LAMA5: variants seen among roughly 807,000 people sequenced by gnomAD.
LAMA5 encodes the protein laminin subunit alpha 5.
LAMA5 carries 260 observed loss-of-function variants against 433.4 expected under a neutral mutation model. The ratio of observed to expected loss-of-function variants is 0.60; its 90% CI spans 0.54 to 0.66. The LOEUF (loss-of-function observed/expected upper bound fraction) is 0.66, where lower values mean the gene tolerates loss of function less well. LAMA5 is among the 30% of genes least tolerant of loss of function. The pLI is 0.00. For missense variants in LAMA5, 5,378 were observed against 5,258.5 expected (o/e 1.02, Z -0.70); for synonymous variants, 2,620 against 2,226.6 (o/e 1.18, Z -4.97).
At chr20:62,325,605 C>T in intron 40 of LAMA5, 59 bp from the exon 41 acceptor site, 1 of 1,177,186 alleles carries the variant, frequency 8.5e-7, no homozygotes, top group Non-Finnish European at 1.2e-6. Flanking sequence ...AACAGGGAGC[C>T]TAGAACAGAC....
At position 62,313,145 on chromosome 20, in the gene LAMA5, G is replaced by C; in HGVS notation, c.8898C>G (p.Phe2966Leu). The change falls in exon 65 of 80, where the codon TTC becomes TTG. Residue 2966 changes from phenylalanine to leucine, a missense_variant. Coordinates refer to ENST00000252999, the MANE Select transcript of LAMA5 (RefSeq NM_005560.6). ...FDSQISTTKR[F>L]EQELRLVSYS... Reference sequence around the variant, plus strand: ...AGGACACGAGCCGCAGCTCCTGCTCGAAGCGCTTGGTGGTGCTGATCTGAC... The same window carrying C: ...AGGACACGAGCCGCAGCTCCTGCTCCAAGCGCTTGGTGGTGCTGATCTGAC... The C allele has an allele frequency of 6.2e-7, 1 of 1,605,826 alleles. No individual in the cohort carries two copies. Among genetic ancestry groups the C allele is most frequent in the South Asian group, 1.1e-5 (1 of 90,742 alleles).
At position 62,312,896 on chromosome 20, in the gene LAMA5, T is replaced by C. The variant is rs1986472900; in HGVS notation, c.9070A>G (p.Ser3024Gly). ...CCCCACCCTGGCCCTACCGCCTTGC[T>C]GGCCGAGGTCAGGGGCGGTGGGGGC... is the stretch of plus-strand genomic sequence containing the variant. ...LQPPPPLTSA[S>G]KAIQVFLLGG... Residue 3024 changes from serine (S) to glycine (G), a missense_variant, in exon 66 of 80, where the codon AGC (serine) becomes GGC (glycine). By Grantham distance (56) the Ser-to-Gly change is moderately conservative (BLOSUM62 0). Coordinates refer to ENST00000252999, the MANE Select transcript of LAMA5 (RefSeq NM_005560.6). 6.3e-7 allele frequency: 1 copy of C among 1,586,908 alleles called. No individual in the cohort carries two copies. The highest frequency in any genetic ancestry group is 8.6e-7 in the Non-Finnish European group (1 of 1,164,796).
Position 62,335,061 on chromosome 20 carries a change from G to A in LAMA5, c.2442C>T (p.Gly814=). The change falls in exon 20 of 80, where the codon GGC becomes GGT. Residue 814 remains glycine (G), a synonymous_variant. Coordinates refer to ENST00000252999, the MANE Select transcript of LAMA5 (RefSeq NM_005560.6). Reference sequence around the variant, plus strand: ...AGTCAGCCTGATCCAGTCCAAAGAAGCCATCCTTGCAGGACGCGCAGGCCT... The same window carrying A: ...AGTCAGCCTGATCCAGTCCAAAGAAACCATCCTTGCAGGACGCGCAGGCCT... The part of the protein sequence containing the change: ...CGQACASCKD[G]FFGLDQADYF... The A allele has an allele frequency of 6.2e-7, 1 of 1,613,034 alleles. No individual in the cohort carries two copies. Among genetic ancestry groups the A allele is most frequent in the Non-Finnish European group, 8.5e-7 (1 of 1,179,708 alleles).
In LAMA5 at chr20:62,325,486, G is replaced by A. The variant is rs959042081; in HGVS notation, c.5359C>T (p.Leu1787=). The change falls in exon 41 of 80, where the codon CTG becomes TTG. Residue 1787 remains leucine, a synonymous_variant. Transcript: ENST00000252999. The part of the protein sequence containing the change: ...TVSREELMMV[L]ASLEQLQIRA... ...ATCTGCAGCTGCTCCAGGCTGGCCAGCACCATCATGAGCTCCTCGCGGGAC... is the reference window on the plus strand; with the variant it reads ...ATCTGCAGCTGCTCCAGGCTGGCCAACACCATCATGAGCTCCTCGCGGGAC... The A allele has an allele frequency of 5.0e-6, 8 of 1,612,832 alleles. No homozygotes were observed. In the African/African-American group the frequency reaches 8.0e-5, roughly 16 times the overall value.
At chr20:62,340,320 T>G (rs1453722628) in intron 11 of LAMA5, among the ~76,000 whole-genome samples, 2 of 146,046 alleles carry the variant, frequency 1.4e-5, no homozygotes, top group East Asian at 4.1e-4. Flanking sequence ...TTTTTTTTTT[T>G]TTTTTTTTGA....
rs1986258216 is a variant in LAMA5 at position 62,362,557 on chromosome 20, A to G, written c.298-5T>C. 6.5e-7 allele frequency: 1 copy of G among 1,550,118 alleles called. No homozygotes were observed. Among genetic ancestry groups the G allele is most frequent in the Non-Finnish European group, 8.7e-7 (1 of 1,144,432 alleles). On this transcript the variant is annotated splice_polypyrimidine_tract_variant and splice_region_variant and intron_variant, in intron 1 of 79. Coordinates refer to ENST00000252999, the MANE Select transcript of LAMA5 (RefSeq NM_005560.6). ...GCAGATGTCACAGTACTGGCCCTGC[A>G]GAGGGAACGGGAGGGTCAGATAGCC...
Position 62,324,314 on chromosome 20 carries a change from C to A in LAMA5, c.5644-110G>T. On this transcript the variant is annotated intron_variant, in intron 42 of 79. Transcript: ENST00000252999. The surrounding 1 kb of genome is among the most constrained non-coding windows in gnomAD (Gnocchi z 4.4). ...GACTCTGTGCCCAAGGCCAGATGGT[C>A]CCCCACTGGGCAACACCCTTCCCCA... 1 of 1,462,746 alleles carries A rather than the reference C, an allele frequency of 6.8e-7. No individual in the cohort carries two copies. The allele number at this position is 1,462,746 out of a possible 1,614,324, so 90.6% of individuals were successfully genotyped here. A position where few individuals can be genotyped will look rare whatever the true frequency, so the allele number is the denominator to read the frequency against.
rs1984317598 is a variant in LAMA5 at position 62,351,687 on chromosome 20, C to A, written c.956+17G>T. On this transcript the variant is annotated intron_variant, in intron 6 of 79. Transcript: ENST00000252999. ...GGGGCCTCACCTGAACGGGGCCTCA[C>A]CTGAATGGGGCCTCACCTGAACGGG... 6.3e-7 allele frequency: 1 copy of A among 1,593,898 alleles called. No homozygotes were observed. Among genetic ancestry groups the A allele is most frequent in the South Asian group, 1.1e-5 (1 of 88,924 alleles).
intron 66 of LAMA5, 28 bp from the exon 67 acceptor site, chr20:62,312,808 C>T (rs368049821): frequency 5.8e-5 from 93 of 1,598,858 alleles, no homozygotes; most frequent in Non-Finnish European, 6.9e-5. Flanking sequence ...GCTCCAGGGC[C>T]AGCTGTGTCC....
At chr20:62,330,339 G>A (rs1387199894) in intron 31 of LAMA5, 149 bp downstream of exon 31, 4 of 1,182,582 alleles carry the variant, frequency 3.4e-6, no homozygotes, top group Non-Finnish European at 4.6e-6. Context: ...GGGGCTGCGG[G>A]CTGCAAGGGC....
intron 79 of LAMA5, 90 bp downstream of exon 79, chr20:62,309,626 G>GA (rs1985936258): frequency 7.2e-6 from 3 of 415,102 alleles, no homozygotes; most frequent in Admixed American, 8.1e-5. Flanking sequence ...GGAGGGGGCA[G>GA]GGGGTGGAGG....
Position 62,362,392 on chromosome 20 carries a change from G to A in LAMA5, c.450+8C>T. On this transcript the variant is annotated splice_region_variant and intron_variant, in intron 2 of 79. Coordinates refer to ENST00000252999, the MANE Select transcript of LAMA5 (RefSeq NM_005560.6). ...TGGGGGCTGCAGCACGCAAAGAAGGGTCCCTACCTGGCCCAGGTCCAGGGT... is the reference window on the plus strand; with the variant it reads ...TGGGGGCTGCAGCACGCAAAGAAGGATCCCTACCTGGCCCAGGTCCAGGGT... The A allele has an allele frequency of 6.6e-7, 1 of 1,514,300 alleles. No homozygotes were observed. The highest frequency in any genetic ancestry group is 8.9e-7 in the Non-Finnish European group (1 of 1,123,440). The allele number at this position is 1,514,300 out of a possible 1,614,324, so 93.8% of individuals were successfully genotyped here.
At position 62,359,800 on chromosome 20, in the gene LAMA5, G is replaced by A. The variant is rs374843233; in HGVS notation, c.450+2600C>T. Among the ~76,000 whole-genome samples the A allele has an allele frequency of 3.3e-4, 50 of 152,084 alleles. No individual in the cohort carries two copies. In the East Asian group the frequency reaches 8.9e-3, roughly 27 times the overall value. ...GCTGCTTCTGGGTGGACACCACAGG[G>A]ACTAGTCTCCCCTCCCCTGCGCCAG... On this transcript the variant is annotated intron_variant, in intron 2 of 79. Coordinates refer to ENST00000252999, the MANE Select transcript of LAMA5 (RefSeq NM_005560.6). This position sits in a 1 kb window ranked among gnomAD's most constrained non-coding sequence, Gnocchi z 4.3.
At chr20:62,339,612 C>T (rs1290167381) in intron 11 of LAMA5, among the ~76,000 whole-genome samples, 1 of 52,852 alleles carries the variant, frequency 1.9e-5, no homozygotes, top group African/African-American at 3.2e-5. Flanking sequence ...TGTGAGCACG[C>T]TTCAGTTTTG....
chr20:62,365,291 G>A (rs1376554883), intron 1 of LAMA5, among the ~76,000 whole-genome samples: 1 of 152,246 alleles, frequency 6.6e-6, no homozygotes, highest in Non-Finnish European at 1.5e-5. Context: ...CTCGGGCCAA[G>A]CTCACAGTCT....
Position 62,327,945 on chromosome 20 carries a change from C to CG in LAMA5, c.4717dup (p.Arg1573ProfsTer6). ...CTCGTGACAGTCACAGGGGCGGCAG[C>CG]GGGGGTAGCCATGGAAGCCCGGAGA... On this transcript the variant is annotated frameshift_variant, in exon 36 of 80. Transcript: ENST00000252999. LOFTEE classifies it high-confidence loss of function. 6.2e-7 allele frequency: 1 copy of CG among 1,612,442 alleles called. No individual in the cohort carries two copies. The highest frequency in any genetic ancestry group is 8.5e-7 in the Non-Finnish European group (1 of 1,179,904).
At position 62,322,885 on chromosome 20, in the gene LAMA5, GCT is replaced by G; in HGVS notation, c.6065-129_6065-128del. ...TCCTCCAGGCCGCCCGGACCACCCGGCTACCCACTCGTGTCCCAGCCTGGCCC... is the reference window on the plus strand; with the variant it reads ...TCCTCCAGGCCGCCCGGACCACCCGGACCCACTCGTGTCCCAGCCTGGCCC... On this transcript the variant is annotated intron_variant, in intron 45 of 79. Coordinates refer to ENST00000252999, the MANE Select transcript of LAMA5 (RefSeq NM_005560.6). The G allele has an allele frequency of 4.9e-6, 3 of 612,966 alleles. No homozygotes were observed. The South Asian group carries it at 6.5e-5, about 13-fold the overall frequency. The allele number at this position is 612,966 out of a possible 1,614,324, so 38.0% of individuals were successfully genotyped here.
rs754170444 is a variant in LAMA5 at position 62,338,453 on chromosome 20, G to C, written c.1618+15C>G. The C allele has an allele frequency of 1.9e-6, 3 of 1,607,906 alleles. No individual in the cohort carries two copies. Among genetic ancestry groups the C allele is most frequent in the African/African-American group, 1.3e-5 (1 of 75,028 alleles). ...TCGAGCGCAGGTAGAGGTTGAGCGG[G>C]GAGAGGGGACTCACGCTGGCAGCCG... On this transcript the variant is annotated intron_variant, in intron 12 of 79. Transcript: ENST00000252999.
chr20:62,315,080 C>T lies in LAMA5; in HGVS notation c.7995G>A (p.Glu2665=). 2 of 1,603,448 alleles carry T rather than the reference C, an allele frequency of 1.2e-6. No homozygotes were observed. Among genetic ancestry groups the T allele is most frequent in the Non-Finnish European group, 1.7e-6 (2 of 1,179,548 alleles). ...ENVERWQGQY[E]GLRGQDLGQA... is the part of the protein sequence containing the mutation. The stretch of plus-strand genomic sequence containing the variant: ...GGCCCAGGTCCTGGCCCCGCAGGCC[C>T]TCGTACTGGCCCTGCCACCGCTCCA... Residue 2665 remains glutamate, a synonymous_variant, in exon 59 of 80, where the codon GAG becomes GAA. Transcript: ENST00000252999.
Sources: gnomAD v4.1 joint callset for allele counts (sites outside exome capture counted in the v4.1 genomes callset) on GRCh38, gnomAD v4.1.1 for gene constraint, Gnocchi (gnomAD v3.1) non-coding constraint, MANE v1.5 for transcripts, NCBI Gene and HGNC (gene_info 2026-07-23, HGNC 2026-07-21) for gene names.